The following NOL9 variants were observed in gnomAD, a reference collection of about 807,000 sequenced individuals.
NOL9 encodes the protein polynucleotide 5'-hydroxyl-kinase NOL9.
A neutral mutation model predicts 67.9 loss-of-function variants in NOL9; 28 were observed. The observed-to-expected ratio is 0.41, with a 90% CI of 0.31 to 0.57. The LOEUF (loss-of-function observed/expected upper bound fraction) is 0.57. Ranked by LOEUF, NOL9 falls within the 20% of genes least tolerant of loss-of-function variation. NOL9 has a pLI of 0.25. For missense variants in NOL9, 777 were observed against 897.0 expected (o/e 0.87, Z 1.71); for synonymous variants, 356 against 352.2 (o/e 1.01, Z -0.12).
In NOL9 at chr1:6,545,082, G is replaced by A. The variant is rs752433213; in HGVS notation, c.843C>T (p.Thr281=). 10 of 1,614,096 alleles carry A rather than the reference G, an allele frequency of 6.2e-6. No individual in the cohort carries two copies. In the South Asian group the frequency reaches 8.8e-5, roughly 14 times the overall value. The stretch of plus-strand genomic sequence containing the variant: ...TGACTAACTCTTCCAGGGCTGAAAG[G>A]GTACTCTCAGTTAACTGAAGGCCTT... The part of the protein sequence containing the change: ...KRKGLQLTES[T]LSALEELVNV... Residue 281 remains threonine (T), a synonymous_variant, in exon 4 of 12, where the codon ACC becomes ACT. Coordinates refer to ENST00000377705, the MANE Select transcript of NOL9 (RefSeq NM_024654.5).
chr1:6,530,119 C>CT (rs1373072351), intron 9 of NOL9, among the ~76,000 whole-genome samples: 3 of 151,886 alleles, frequency 2.0e-5, no homozygotes, highest in African/African-American at 7.3e-5. Flanking sequence ...GAGAGAGACT[C>CT]TGTCTCCAAA....
intron 3 of NOL9, among the ~76,000 whole-genome samples, chr1:6,547,056 C>G (rs776667375): frequency 6.6e-6 from 1 of 152,196 alleles, no homozygotes; most frequent in Non-Finnish European, 1.5e-5. Context: ...GGTTTTCCAC[C>G]AAAACCGATG....
In NOL9 at chr1:6,544,651, C is replaced by T. The variant is rs565282947; in HGVS notation, c.977+175G>A. Among the ~76,000 whole-genome samples, 3 of 148,488 alleles carry T rather than the reference C, an allele frequency of 2.0e-5. No homozygotes were observed. In the East Asian group the frequency reaches 6.0e-4, roughly 30 times the overall value. On this transcript the variant is annotated intron_variant, in intron 5 of 11. Transcript: ENST00000377705. Reference sequence around the variant, plus strand: ...AAGGCAAAGTCAGCCTACGCTAGAGCATTGTCACATACTGCAAAGCAGACG... The same window carrying T: ...AAGGCAAAGTCAGCCTACGCTAGAGTATTGTCACATACTGCAAAGCAGACG...
chr1:6,543,494 C>CTTTA (rs555412614), intron 5 of NOL9, among the ~76,000 whole-genome samples: 87 of 152,070 alleles, frequency 5.7e-4, no homozygotes, highest in African/African-American at 1.2e-3. Context: ...TGCGCCCAGG[C>CTTTA]TTTATTTATT....
At chr1:6,549,786 T>TA in intron 2 of NOL9, 88 bp from the exon 3 acceptor site, 1 of 1,523,134 alleles carries the variant, frequency 6.6e-7, no homozygotes. Flanking sequence ...GGCTAAACTA[T>TA]AAACATTAGG....
chr1:6,530,804 T>C (rs1639007361), intron 9 of NOL9, among the ~76,000 whole-genome samples: 1 of 152,260 alleles, frequency 6.6e-6, no homozygotes, highest in Non-Finnish European at 1.5e-5. Flanking sequence ...AGCCCCTCCA[T>C]GCTTCGCAGA....
intron 6 of NOL9, among the ~76,000 whole-genome samples, chr1:6,534,469 G>C (rs1186816178): frequency 1.3e-5 from 2 of 152,134 alleles, no homozygotes; most frequent in African/African-American, 4.8e-5. Flanking sequence ...AGATGGCCTG[G>C]GTCAGTGTGA....
At chr1:6,534,724 G>C (rs780561228) in intron 6 of NOL9, among the ~76,000 whole-genome samples, 20 of 152,198 alleles carry the variant, frequency 1.3e-4, no homozygotes, top group African/African-American at 4.8e-4. Flanking sequence ...GAAGGCTAAC[G>C]AGAGTGACCC....
chr1:6,541,700 A>G (rs971795823), intron 6 of NOL9, 130 bp downstream of exon 6: 2 of 447,164 alleles, frequency 4.5e-6, no homozygotes, highest in South Asian at 8.7e-5. Flanking sequence ...CAAGTTATGG[A>G]AAGACCATGA....
At position 6,532,464 on chromosome 1, in the gene NOL9, T is replaced by C. The variant is rs1639051031; in HGVS notation, c.1534A>G (p.Arg512Gly). The C allele has an allele frequency of 6.2e-7, 1 of 1,603,504 alleles. No homozygotes were observed. The highest frequency in any genetic ancestry group is 8.5e-7 in the Non-Finnish European group (1 of 1,172,948). The change falls in exon 8 of 12, where the codon AGA becomes GGA. Residue 512 changes from arginine (R) to glycine (G), a missense_variant and splice_region_variant. Coordinates refer to ENST00000377705, the MANE Select transcript of NOL9 (RefSeq NM_024654.5). Reference protein sequence around the residue: ...DFAFRITPRNRESHNKILRDL... With the variant: ...DFAFRITPRNGESHNKILRDL... ...TTCAGCCAAATGAGGGTTAGTTACC[T>C]ATTTCTTGGAGTTATTCTGAATGCA...
At chr1:6,553,174 C>T (rs1194375833) in intron 1 of NOL9, among the ~76,000 whole-genome samples, 1 of 152,174 alleles carries the variant, frequency 6.6e-6, no homozygotes. Context: ...GCATGGTGAC[C>T]GTGAACTCGG....
chr1:6,547,118 G>C (rs369760560), intron 3 of NOL9, among the ~76,000 whole-genome samples: 21 of 152,306 alleles, frequency 1.4e-4, no homozygotes, highest in African/African-American at 5.1e-4. Context: ...GAGTGCCCCA[G>C]GGCTCAGAGC....
chr1:6,527,148 G>A (rs1206145736), intron 10 of NOL9, among the ~76,000 whole-genome samples: 5 of 151,928 alleles, frequency 3.3e-5, no homozygotes, highest in Admixed American at 6.6e-5. Flanking sequence ...TCGGGAGGCC[G>A]AGACAGGAGA....
Position 6,532,499 on chromosome 1 carries a change from T to C in NOL9, c.1499A>G (p.Tyr500Cys). The change falls in exon 8 of 12, where the codon TAT becomes TGT. Residue 500 changes from tyrosine (Y) to cysteine (C), a missense_variant. Tyr to Cys is a radical substitution (Grantham distance 194). Coordinates refer to ENST00000377705, the MANE Select transcript of NOL9 (RefSeq NM_024654.5). ...EFTGHKLIGVYTDFAFRITPR... is the reference protein window; with the variant it reads ...EFTGHKLIGVCTDFAFRITPR... The stretch of plus-strand genomic sequence containing the variant: ...AGTTATTCTGAATGCAAAGTCTGTA[T>C]AAACACCTATCAGTTTATGTCCAGT... 6.2e-7 allele frequency: 1 copy of C among 1,614,194 alleles called. No individual in the cohort carries two copies. Among genetic ancestry groups the C allele is most frequent in the Non-Finnish European group, 8.5e-7 (1 of 1,180,030 alleles).
rs188494425 is a variant in NOL9, at chr1:6,550,310, C to T, written c.616+86G>A. On this transcript the variant is annotated intron_variant, in intron 2 of 11. Coordinates refer to ENST00000377705, the MANE Select transcript of NOL9 (RefSeq NM_024654.5). ...CCTCCCAAAGTGCTGGGATTATAGG[C>T]GTGAGCCACCGCGCCTGGCCCTAAA... The T allele has an allele frequency of 3.9e-5, 46 of 1,171,744 alleles. No homozygotes were observed. In the Admixed American group the frequency reaches 6.4e-4, roughly 16 times the overall value. The allele number at this position is 1,171,744 out of a possible 1,614,324, so 72.6% of individuals were successfully genotyped here. A position where few individuals can be genotyped will look rare whatever the true frequency, so the allele number is the denominator to read the frequency against.
chr1:6,546,332 A>G (rs1639421573), intron 3 of NOL9, among the ~76,000 whole-genome samples: 1 of 152,220 alleles, frequency 6.6e-6, no homozygotes, highest in East Asian at 1.9e-4. Flanking sequence ...AGGCTTGAGA[A>G]CAGGCAATTC....
intron 1 of NOL9, among the ~76,000 whole-genome samples, chr1:6,551,176 T>C (rs1639536454): frequency 6.6e-6 from 1 of 151,908 alleles, no homozygotes; most frequent in Non-Finnish European, 1.5e-5. Context: ...CAGGGTGCAG[T>C]GGCATGCCTC....
chr1:6,540,185 A>C (rs1172792109), intron 6 of NOL9, among the ~76,000 whole-genome samples: 2 of 129,552 alleles, frequency 1.5e-5, no homozygotes, highest in African/African-American at 2.9e-5. Flanking sequence ...TGCAGTGGTG[A>C]GAGCTCAGCT....
At chr1:6,547,518 GA>G (rs58167405) in intron 3 of NOL9, among the ~76,000 whole-genome samples, 26,867 of 133,820 alleles carry the variant, frequency 0.2, 2,976 homozygotes, top group African/African-American at 0.35. Context: ...TAAGGAAATG[GA>G]AAAAAAAAAA....
Sources: allele counts gnomAD v4.1 joint callset (sites outside exome capture counted in the v4.1 genomes callset), GRCh38; gene constraint gnomAD v4.1.1; transcripts MANE v1.5; gene names NCBI Gene and HGNC (gene_info 2026-07-23, HGNC 2026-07-21).